Variants in RTKN2 observed in about 807,000 individuals in gnomAD.
RTKN2 encodes rhotekin-2.
A neutral mutation model predicts 71.5 loss-of-function variants in RTKN2; 69 were observed. The ratio of observed to expected loss-of-function variants is 0.96; its 90% CI spans 0.79 to 1.18. RTKN2 has a LOEUF of 1.18. Among genes scored for constraint, RTKN2 ranks in the 50% most tolerant of loss-of-function variants. RTKN2 has a pLI of 0.00. For synonymous variants in RTKN2, 236 were observed against 236.5 expected, an observed-to-expected ratio of 1.00 and a Z score of 0.02; for missense variants, 724 against 719.7, an observed-to-expected ratio of 1.01 and a Z score of -0.07.
In RTKN2 at chr10:62,193,905, A is replaced by G. The variant is rs1841271985; in HGVS notation, c.*4003T>C. ...TAATAATTAGCACCAGCTACTTGGT[A>G]TGTCTTTTTCTGATTAAACTGATTC... On this transcript the variant is annotated 3_prime_UTR_variant, in exon 12 of 12. Coordinates refer to ENST00000373789, the MANE Select transcript of RTKN2 (RefSeq NM_145307.4). The G allele has an allele frequency of 1.0e-6, 1 of 982,470 alleles. No individual in the cohort carries two copies. The highest frequency in any genetic ancestry group is 1.7e-5 in the African/African-American group (1 of 57,300). 60.9% of individuals were successfully genotyped at this position (982,470 alleles called of 1,614,324 possible).
chr10:62,195,420 C>T lies in RTKN2; in HGVS notation c.*2488G>A, dbSNP rs1841302809. 1.0e-6 allele frequency: 1 copy of T among 982,426 alleles called. No individual in the cohort carries two copies. The highest frequency in any genetic ancestry group is 4.7e-5 in the South Asian group (1 of 21,190). 60.9% of individuals were successfully genotyped at this position (982,426 alleles called of 1,614,324 possible). A position where few individuals can be genotyped will look rare whatever the true frequency, so the allele number is the denominator to read the frequency against. On this transcript the variant is annotated 3_prime_UTR_variant, in exon 12 of 12. Transcript: ENST00000373789. ...AAACAAACAATTCTTTTGAAACACT[C>T]TTTGACACAGTGCTTAACTATTTTT...
At chr10:62,192,021 T>C (rs1841230306), downstream of RTKN2, among the ~76,000 whole-genome samples, 1 of 151,694 alleles carries the variant, frequency 6.6e-6, no homozygotes, top group Admixed American at 6.6e-5. Flanking sequence ...CATTACCTTA[T>C]TTAATAAACA....
chr10:62,212,359 A>G (rs772007475), intron 9 of RTKN2, among the ~76,000 whole-genome samples: 3 of 151,412 alleles, frequency 2.0e-5, no homozygotes, highest in Non-Finnish European at 2.9e-5. Flanking sequence ...ACAGAGTAAG[A>G]CTCTGTCTCA....
chr10:62,184,428 T>C (rs1379296967), intron 8 of RTKN2: 1 of 1,146,096 alleles, frequency 8.7e-7, no homozygotes, highest in South Asian at 1.5e-5. Flanking sequence ...CCCACAGAGG[T>C]AAAGAGAAAA....
intron 1 of RTKN2, among the ~76,000 whole-genome samples, chr10:62,267,700 G>A (rs1842891551): frequency 6.6e-6 from 1 of 152,134 alleles, no homozygotes; most frequent in Admixed American, 6.5e-5. Flanking sequence ...GAATGAAATT[G>A]CAAATATTCT....
chr10:62,212,397 GA>G (rs1300142029), intron 9 of RTKN2, among the ~76,000 whole-genome samples: 11 of 149,070 alleles, frequency 7.4e-5, no homozygotes, highest in African/African-American at 2.2e-4. Context: ...AAATAAATAG[GA>G]AAAAAAAAGA....
rs1589329680 is a variant in RTKN2 at position 62,197,480 on chromosome 10, G to A, written c.*428C>T. ...TTCTTGGGTGGATTCTATAATTTGT[G>A]GTTTGAATAAAACCTTTGAAACATT... On this transcript the variant is annotated 3_prime_UTR_variant, in exon 12 of 12. Coordinates refer to ENST00000373789, the MANE Select transcript of RTKN2 (RefSeq NM_145307.4). 1 of 986,060 alleles carries A rather than the reference G, an allele frequency of 1.0e-6. No individual in the cohort carries two copies. Among genetic ancestry groups the A allele is most frequent in the Non-Finnish European group, 1.2e-6 (1 of 829,900 alleles). The allele number at this position is 986,060 out of a possible 1,614,324, so 61.1% of individuals were successfully genotyped here.
Position 62,194,679 on chromosome 10 carries a change from T to C in RTKN2, c.*3229A>G. ...TGCACCAAACTGCCCTATAATTTCA[T>C]TTTGGACTGAATTAATTAACTTCTC... On this transcript the variant is annotated 3_prime_UTR_variant, in exon 12 of 12. Coordinates refer to ENST00000373789, the MANE Select transcript of RTKN2 (RefSeq NM_145307.4). 1 of 985,384 alleles carries C rather than the reference T, an allele frequency of 1.0e-6. No individual in the cohort carries two copies. The highest frequency in any genetic ancestry group is 1.2e-6 in the Non-Finnish European group (1 of 829,912). The allele number at this position is 985,384 out of a possible 1,614,324, so 61.0% of individuals were successfully genotyped here.
intron 2 of RTKN2, among the ~76,000 whole-genome samples, chr10:62,248,871 C>T (rs960373890): frequency 2.6e-5 from 4 of 152,080 alleles, no homozygotes; most frequent in South Asian, 4.1e-4. Flanking sequence ...ATGATGAAAG[C>T]ATTTTACATT....
At chr10:62,215,473 A>T (rs559273666) in intron 9 of RTKN2, among the ~76,000 whole-genome samples, 82 of 151,894 alleles carry the variant, frequency 5.4e-4, no homozygotes, top group Non-Finnish European at 2.7e-4. Flanking sequence ...ACACTAAATA[A>T]AAATTAGAAA....
In RTKN2 at chr10:62,194,452, T is replaced by C. The variant is rs1841283341; in HGVS notation, c.*3456A>G. The C allele has an allele frequency of 1.0e-6, 1 of 978,598 alleles. No individual in the cohort carries two copies. Among genetic ancestry groups the C allele is most frequent in the African/African-American group, 1.8e-5 (1 of 57,068 alleles). The allele number at this position is 978,598 out of a possible 1,614,324, so 60.6% of individuals were successfully genotyped here. A position where few individuals can be genotyped will look rare whatever the true frequency, so the allele number is the denominator to read the frequency against. On this transcript the variant is annotated 3_prime_UTR_variant, in exon 12 of 12. Coordinates refer to ENST00000373789, the MANE Select transcript of RTKN2 (RefSeq NM_145307.4). The stretch of plus-strand genomic sequence containing the variant: ...ATGGCTACTAGAATATAAATGGTCA[T>C]CAGTTAAAGTTTAATTACTATTCAA...
chr10:62,214,314 A>C (rs1841722802), intron 9 of RTKN2, among the ~76,000 whole-genome samples: 1 of 152,126 alleles, frequency 6.6e-6, no homozygotes, highest in South Asian at 2.1e-4. Flanking sequence ...ACCAGTCCTC[A>C]AGGTCAAATG....
At chr10:62,188,076 T>A (rs1182451307) in intron 8 of RTKN2, among the ~76,000 whole-genome samples, 1 of 152,216 alleles carries the variant, frequency 6.6e-6, no homozygotes, top group Admixed American at 6.5e-5. Context: ...TCAATTACAA[T>A]GGAAACAACC....
intron 2 of RTKN2, among the ~76,000 whole-genome samples, chr10:62,260,229 GTTCTT>G (rs1238944899): frequency 2.6e-5 from 4 of 152,104 alleles, no homozygotes; most frequent in African/African-American, 7.2e-5. Flanking sequence ...GACAAATTCT[GTTCTT>G]TTAACATAGA....
chr10:62,242,899 G>C (rs1264792260), intron 3 of RTKN2, among the ~76,000 whole-genome samples: 1 of 152,006 alleles, frequency 6.6e-6, no homozygotes, highest in Non-Finnish European at 1.5e-5. Flanking sequence ...TCAGTGTGCT[G>C]GGATTACAGG....
intron 9 of RTKN2, among the ~76,000 whole-genome samples, chr10:62,208,420 A>G (rs556676777): frequency 2.0e-5 from 3 of 152,198 alleles, no homozygotes; most frequent in Non-Finnish European, 1.5e-5. Context: ...CCTATCAGAA[A>G]TCTAAGATTC....
Position 62,195,614 on chromosome 10 carries a change from GGAAGGA to G in RTKN2, c.*2288_*2293del, listed in dbSNP as rs1841311320. ...GAGACGGACAGAGGGAATGAAGGAA[GGAAGGA>G]AGGAAGGAAGGAAGGAAGGAAGGAA... On this transcript the variant is annotated 3_prime_UTR_variant, in exon 12 of 12. Coordinates refer to ENST00000373789, the MANE Select transcript of RTKN2 (RefSeq NM_145307.4). 1 of 80,626 alleles carries G rather than the reference GGAAGGA, an allele frequency of 1.2e-5. No homozygotes were observed. The highest frequency in any genetic ancestry group is 5.9e-5 in the African/African-American group (1 of 16,860). 5.0% of individuals were successfully genotyped at this position (80,626 alleles called of 1,614,324 possible).
intron 7 of RTKN2, 143 bp from the exon 8 acceptor site, chr10:62,218,444 T>G: frequency 1.8e-6 from 1 of 567,018 alleles, no homozygotes; most frequent in Admixed American, 3.1e-5. Context: ...ATGTAAAGAT[T>G]CATCCTACCC....
chr10:62,268,264 C>T (rs1002599489), intron 1 of RTKN2, among the ~76,000 whole-genome samples: 43 of 152,374 alleles, frequency 2.8e-4, no homozygotes, highest in African/African-American at 1.0e-3. Flanking sequence ...GACAGGCGTC[C>T]AAAGCCTGGG....
Sources: allele counts gnomAD v4.1 joint callset (sites outside exome capture counted in the v4.1 genomes callset), GRCh38; gene constraint gnomAD v4.1.1; transcripts MANE v1.5; gene names NCBI Gene and HGNC (gene_info 2026-07-23, HGNC 2026-07-21).